The following CDH13 variants were observed in gnomAD, a reference collection of about 807,000 sequenced individuals.
The protein encoded by CDH13 is cadherin 13, also known as cadherin-13.
In CDH13, 24 loss-of-function variants were observed where a neutral mutation model predicts 63.8. That is an observed-to-expected ratio of 0.38 (90% CI 0.27 to 0.53). The LOEUF (loss-of-function observed/expected upper bound fraction) is 0.53, where lower values mean the gene tolerates loss of function less well. Among genes scored for constraint, CDH13 ranks in the 20% least tolerant of loss-of-function variants. CDH13 has a pLI of 0.85. For missense variants in CDH13, 1,049 were observed against 903.1 expected, an observed-to-expected ratio of 1.16 and a Z score of -2.07; for synonymous variants, 503 against 355.3, an observed-to-expected ratio of 1.42 and a Z score of -4.67.
At chr16:83,550,649 C>T (rs1455393238) in intron 7 of CDH13, among the ~76,000 whole-genome samples, 1 of 152,156 alleles carries the variant, frequency 6.6e-6, no homozygotes, top group African/African-American at 2.4e-5. Flanking sequence ...GAATGTCTAG[C>T]AAAGTTTTCC....
At chr16:83,773,019 G>A (rs1384616426) in intron 11 of CDH13, 1 of 152,256 alleles carries the variant, frequency 6.6e-6, no homozygotes, top group East Asian at 1.9e-4. Flanking sequence ...GAAGATGTTT[G>A]TGGGGAGGTT....
intron 1 of CDH13, among the ~76,000 whole-genome samples, chr16:82,803,235 C>T (rs748687686): frequency 1.1e-4 from 17 of 152,164 alleles, no homozygotes; most frequent in Non-Finnish European, 2.5e-4. Flanking sequence ...TGAATAGCAC[C>T]ACAAAGACGT....
chr16:82,662,531 C>A (rs8050316), intron 1 of CDH13, among the ~76,000 whole-genome samples: 32,146 of 152,114 alleles, frequency 0.21, 3,654 homozygotes, highest in African/African-American at 0.29. Flanking sequence ...GACCAGATGG[C>A]TTGTTGGGAG....
At chr16:83,251,568 G>A (rs1905534861) in intron 5 of CDH13, among the ~76,000 whole-genome samples, 1 of 152,210 alleles carries the variant, frequency 6.6e-6, no homozygotes, top group Non-Finnish European at 1.5e-5. Flanking sequence ...ATCTGGAGGT[G>A]ACTGAATCCT....
intron 7 of CDH13, among the ~76,000 whole-genome samples, chr16:83,534,829 G>A (rs7197473): frequency 0.53 from 81,341 of 152,064 alleles, 21,899 homozygotes; most frequent in Non-Finnish European, 0.58. Context: ...TTAGCAGTGC[G>A]TATACACACC....
intron 6 of CDH13, among the ~76,000 whole-genome samples, chr16:83,467,607 C>A (rs16960566): frequency 6.6e-6 from 1 of 152,140 alleles, no homozygotes; most frequent in Admixed American, 6.5e-5. Flanking sequence ...AAGAAACTGA[C>A]GCTGAAACTT....
At chr16:83,109,646 C>T (rs9921952) in intron 3 of CDH13, among the ~76,000 whole-genome samples, 15,352 of 152,156 alleles carry the variant, frequency 0.1, 888 homozygotes, top group African/African-American at 0.15. Context: ...ATCTGGAATA[C>T]ATGCGCAAAT....
chr16:83,442,429 A>G (rs2072505668), intron 6 of CDH13, among the ~76,000 whole-genome samples: 1 of 152,184 alleles, frequency 6.6e-6, no homozygotes, highest in East Asian at 1.9e-4. Context: ...AAGAGCACAA[A>G]GACATCCTTG....
chr16:83,563,866 G>C (rs1469122437), intron 7 of CDH13, among the ~76,000 whole-genome samples: 2 of 152,236 alleles, frequency 1.3e-5, no homozygotes, highest in Admixed American at 6.5e-5. Flanking sequence ...AAACTGAAGT[G>C]GGATGGGTCG....
intron 1 of CDH13, among the ~76,000 whole-genome samples, chr16:82,636,398 G>A (rs1261833940): frequency 6.6e-6 from 1 of 152,162 alleles, no homozygotes; most frequent in African/African-American, 2.4e-5. Flanking sequence ...GATGGGCACC[G>A]TGGGGGCCTG....
intron 1 of CDH13, among the ~76,000 whole-genome samples, chr16:82,785,408 C>G (rs950138232): frequency 1.3e-5 from 2 of 152,146 alleles, no homozygotes; most frequent in Non-Finnish European, 2.9e-5. Flanking sequence ...AATGGATGTT[C>G]AGTGGAGCTC....
At chr16:82,777,006 T>C (rs1433169254) in intron 1 of CDH13, among the ~76,000 whole-genome samples, 1 of 152,228 alleles carries the variant, frequency 6.6e-6, no homozygotes, top group Non-Finnish European at 1.5e-5. Context: ...AGTGACGTGA[T>C]GCAATCATAG....
intron 5 of CDH13, among the ~76,000 whole-genome samples, chr16:83,225,812 C>T (rs1422916651): frequency 1.3e-5 from 2 of 152,128 alleles, no homozygotes; most frequent in Non-Finnish European, 2.9e-5. Context: ...GTTTGAGAAA[C>T]TGTTGTGTTA....
In CDH13 at chr16:83,557,827, A is replaced by C. The variant is rs375525792; in HGVS notation, c.961-44627A>C. On this transcript the variant is annotated intron_variant, in intron 7 of 13. Coordinates refer to ENST00000567109, the MANE Select transcript of CDH13 (RefSeq NM_001257.5). ...ACTTCCCCAGCCACCTGTGACTTAG[A>C]GTGAGTAGAGAGGCAATTAGGGCAC... Among the ~76,000 whole-genome samples the C allele has an allele frequency of 7.9e-5, 12 of 152,228 alleles. No individual in the cohort carries two copies. The East Asian group carries it at 2.3e-3, about 29-fold the overall frequency.
At chr16:83,093,065 A>G (rs1361114318) in intron 3 of CDH13, among the ~76,000 whole-genome samples, 4 of 152,122 alleles carry the variant, frequency 2.6e-5, no homozygotes, top group Non-Finnish European at 4.4e-5. Flanking sequence ...ATTATTGCTC[A>G]TTTCATTTGA....
At chr16:83,294,614 G>GTA (rs200692863) in intron 5 of CDH13, among the ~76,000 whole-genome samples, 2,666 of 119,546 alleles carry the variant, frequency 0.022, 102 homozygotes, top group African/African-American at 0.069. Context: ...GTGTGTGTGT[G>GTA]TGTGTATATA....
intron 4 of CDH13, among the ~76,000 whole-genome samples, chr16:83,142,764 A>G (rs2036587210): frequency 1.3e-5 from 2 of 150,150 alleles, no homozygotes; most frequent in Non-Finnish European, 2.9e-5. Flanking sequence ...GACTGAATGA[A>G]TGGTCAAAAA....
chr16:83,794,535 A>C (rs1916479214), intron 13 of CDH13, among the ~76,000 whole-genome samples: 1 of 152,236 alleles, frequency 6.6e-6, no homozygotes, highest in Non-Finnish European at 1.5e-5. Context: ...CTGGGGCAAC[A>C]GAATGAGACC....
intron 7 of CDH13, among the ~76,000 whole-genome samples, chr16:83,575,210 T>C (rs1904997456): frequency 6.6e-6 from 1 of 152,230 alleles, no homozygotes; most frequent in Non-Finnish European, 1.5e-5. Flanking sequence ...ATGAAAATGT[T>C]CTAAAATCAA....
Sources: gnomAD v4.1 joint callset for allele counts (sites outside exome capture counted in the v4.1 genomes callset) on GRCh38, gnomAD v4.1.1 for gene constraint, MANE v1.5 for transcripts, NCBI Gene and HGNC (gene_info 2026-07-23, HGNC 2026-07-21) for gene names.